The following RBL1 variants were observed in gnomAD, a reference collection of about 807,000 sequenced individuals.
The protein encoded by RBL1 is RB transcriptional corepressor like 1.
A neutral mutation model predicts 123.0 loss-of-function variants in RBL1; 82 were observed. The ratio of observed to expected loss-of-function variants is 0.67; its 90% confidence interval spans 0.56 to 0.80. RBL1 has a LOEUF of 0.80. RBL1 is among the 30% of genes least tolerant of loss of function. The pLI is 0.00. For missense variants in RBL1, 1,171 were observed against 1,299.6 expected, an observed-to-expected ratio of 0.90 and a Z score of 1.52; for synonymous variants, 405 against 441.3, an observed-to-expected ratio of 0.92 and a Z score of 1.03.
chr20:37,022,419 T>C (rs1251026386), intron 17 of RBL1, among the ~76,000 whole-genome samples: 1 of 152,160 alleles, frequency 6.6e-6, no homozygotes, highest in Non-Finnish European at 1.5e-5. Flanking sequence ...CTTGGCCTCC[T>C]GGGCTCAAGA....
At chr20:37,070,453 C>G (rs150722017) in intron 2 of RBL1, among the ~76,000 whole-genome samples, 5 of 149,846 alleles carry the variant, frequency 3.3e-5, no homozygotes, top group African/African-American at 9.8e-5. Context: ...GAGAAACACC[C>G]GAGAATTATC....
In RBL1 at chr20:36,997,562, T is replaced by C. The variant is rs1398912205; in HGVS notation, c.*1197A>G. The C allele has an allele frequency of 1.3e-5, 2 of 152,142 alleles. No homozygotes were observed. Among genetic ancestry groups the C allele is most frequent in the African/African-American group, 4.8e-5 (2 of 41,420 alleles). 9.4% of individuals were successfully genotyped at this position (152,142 alleles called of 1,614,324 possible). A position where few individuals can be genotyped will look rare whatever the true frequency, so the allele number is the denominator to read the frequency against. On this transcript the variant is annotated 3_prime_UTR_variant, in exon 22 of 22. Transcript: ENST00000373664. ...ATTTTTAAAAGGTTTAAAATATTCTTAGGGACTCAATTAGATATTGAGAAT... is the reference window on the plus strand; with the variant it reads ...ATTTTTAAAAGGTTTAAAATATTCTCAGGGACTCAATTAGATATTGAGAAT...
rs142391238 is a variant in RBL1 at position 37,042,731 on chromosome 20, C to A, written c.1770+1355G>T. Reference sequence around the variant, plus strand: ...TAGCCTGGGCAACATAGGGAGATCCCATCTCTACAAAAACTACAAAAATTA... The same window carrying A: ...TAGCCTGGGCAACATAGGGAGATCCAATCTCTACAAAAACTACAAAAATTA... On this transcript the variant is annotated intron_variant, in intron 13 of 21. Transcript: ENST00000373664. Among the ~76,000 whole-genome samples the A allele has an allele frequency of 3.3e-3, 503 of 151,438 alleles. 3 individuals are homozygous for A. Among genetic ancestry groups the A allele is most frequent in the African/African-American group, 0.012 (483 of 41,256 alleles).
At chr20:37,017,620 T>TGTGTGTGTGTGTGTGTGTG (rs1600471145) in intron 19 of RBL1, among the ~76,000 whole-genome samples, 25 of 139,722 alleles carry the variant, frequency 1.8e-4, no homozygotes, top group African/African-American at 6.4e-4. Context: ...GGACATTTTC[T>TGTGTGTGTGTGTGTGTGTG]TGTGTGTGTG....
At chr20:37,073,014 T>C (rs532025164) in intron 2 of RBL1, among the ~76,000 whole-genome samples, 30 of 152,198 alleles carry the variant, frequency 2.0e-4, no homozygotes, top group Non-Finnish European at 4.4e-4. Context: ...TACAGTGGCA[T>C]GATTGTGGCT....
intron 19 of RBL1, among the ~76,000 whole-genome samples, chr20:37,012,897 C>CCCGT (rs2064184708): frequency 6.6e-6 from 1 of 151,094 alleles, no homozygotes. Context: ...GGCCAGCCGC[C>CCCGT]CCGTCCGGGA....
intron 2 of RBL1, among the ~76,000 whole-genome samples, chr20:37,079,468 T>A (rs1432487789): frequency 7.5e-5 from 11 of 146,452 alleles, no homozygotes; most frequent in Non-Finnish European, 1.5e-4. Context: ...TTAAAGCATT[T>A]TTTTTTTTTT....
chr20:37,091,503 T>C (rs917857936), intron 1 of RBL1, among the ~76,000 whole-genome samples: 3 of 151,618 alleles, frequency 2.0e-5, no homozygotes, highest in East Asian at 1.9e-4. Flanking sequence ...CCCCCGTCTG[T>C]ACAAAAAAGG....
chr20:37,011,033 T>C (rs2064141017), intron 19 of RBL1, among the ~76,000 whole-genome samples: 1 of 152,068 alleles, frequency 6.6e-6, no homozygotes, highest in East Asian at 1.9e-4. Flanking sequence ...TTGCTCATGC[T>C]GGTCTTTAAT....
rs62206483 is a variant in RBL1, at chr20:37,046,647, G to T, written c.1605+406C>A. On this transcript the variant is annotated intron_variant, in intron 12 of 21. Transcript: ENST00000373664. ...TTTGAGACAGAATTTTGCTCCTGTC[G>T]TCTAGGCTGGAGTGTAATTGTATGA... is the stretch of plus-strand genomic sequence containing the variant. Among the ~76,000 whole-genome samples, 3 of 147,456 alleles carry T rather than the reference G, an allele frequency of 2.0e-5. No individual in the cohort carries two copies. In the East Asian group the frequency reaches 5.9e-4, roughly 29 times the overall value.
intron 11 of RBL1, chr20:37,049,401 C>T (rs2064868825): frequency 2.7e-6 from 2 of 734,438 alleles, no homozygotes; most frequent in Non-Finnish European, 4.9e-6. Flanking sequence ...TGGCAAGCAA[C>T]TGGAAGATGT....
chr20:36,999,026 A>G, intron 21 of RBL1, 97 bp from the exon 22 acceptor site: 1 of 1,187,250 alleles, frequency 8.4e-7, no homozygotes. Context: ...TCTATCCTCT[A>G]TCCAAATCTT....
chr20:37,046,078 G>A (rs2064815067), intron 12 of RBL1, among the ~76,000 whole-genome samples: 1 of 152,134 alleles, frequency 6.6e-6, no homozygotes, highest in Non-Finnish European at 1.5e-5. Flanking sequence ...AACAAAAATA[G>A]TTCTAGCAAG....
rs188132016 is a variant in RBL1, at chr20:37,068,659, C to T, written c.291-473G>A. Among the ~76,000 whole-genome samples, 180 of 152,260 alleles carry T rather than the reference C, an allele frequency of 1.2e-3. 4 individuals are homozygous for T. The East Asian group carries it at 0.032, about 27-fold the overall frequency. On this transcript the variant is annotated intron_variant, in intron 2 of 21. Transcript: ENST00000373664. ...GGGAGCGAGAGCACCTATCTACTTCCTTTATTCTCTATATTACCTAGACAA... is the reference window on the plus strand; with the variant it reads ...GGGAGCGAGAGCACCTATCTACTTCTTTTATTCTCTATATTACCTAGACAA...
At chr20:37,049,343 C>G in intron 11 of RBL1, 1 of 681,026 alleles carries the variant, frequency 1.5e-6, no homozygotes, top group Non-Finnish European at 2.6e-6. Context: ...AGACCAAGAT[C>G]CAGGATAAGG....
intron 2 of RBL1, among the ~76,000 whole-genome samples, chr20:37,078,230 T>C (rs1195734286): frequency 6.6e-6 from 1 of 152,208 alleles, no homozygotes; most frequent in African/African-American, 2.4e-5. Context: ...GTGCCATGTT[T>C]TCCATTTCAA....
chr20:37,009,299 C>T (rs1362629994), intron 19 of RBL1, among the ~76,000 whole-genome samples: 2 of 152,230 alleles, frequency 1.3e-5, no homozygotes, highest in Admixed American at 1.3e-4. Flanking sequence ...GCTGGGATTA[C>T]AGGCGTGAGC....
chr20:36,999,360 G>A lies in RBL1; in HGVS notation c.3037-431C>T, dbSNP rs968332985. Among the ~76,000 whole-genome samples, 15 of 152,260 alleles carry A rather than the reference G, an allele frequency of 9.9e-5. No individual in the cohort carries two copies. In the South Asian group the frequency reaches 2.9e-3, roughly 29 times the overall value. ...TGAAGCTGCAGTGAGCAGTGATCAT[G>A]CCTGGGAAACAGAGTGAGACCTTGT... On this transcript the variant is annotated intron_variant, in intron 21 of 21. Coordinates refer to ENST00000373664, the MANE Select transcript of RBL1 (RefSeq NM_002895.5).
chr20:37,076,579 C>T (rs961659895), intron 2 of RBL1, among the ~76,000 whole-genome samples: 5 of 152,206 alleles, frequency 3.3e-5, no homozygotes, highest in African/African-American at 4.8e-5. Context: ...CTACTCAAAA[C>T]CATACACAAT....
Sources: gnomAD v4.1 joint callset for allele counts (sites outside exome capture counted in the v4.1 genomes callset) on GRCh38, gnomAD v4.1.1 for gene constraint, MANE v1.5 for transcripts, NCBI Gene and HGNC (gene_info 2026-07-23, HGNC 2026-07-21) for gene names.